The following LHPP variants were observed in gnomAD, a reference collection of about 807,000 sequenced individuals.
The protein encoded by LHPP is hLHPP.
LHPP carries 24 observed loss-of-function variants against 30.3 expected under a neutral mutation model. The observed-to-expected ratio is 0.79, with a 90% CI of 0.57 to 1.11. The LOEUF is 1.11. LHPP is among the 50% of genes most tolerant of loss of function. The pLI is 0.00. For synonymous variants in LHPP, 150 were observed against 157.1 expected (o/e 0.95, Z 0.34); for missense variants, 356 against 367.2 (o/e 0.97, Z 0.25).
intron 5 of LHPP, among the ~76,000 whole-genome samples, chr10:124,507,157 G>GT (rs746557488): frequency 3.5e-5 from 3 of 85,824 alleles, no homozygotes; most frequent in Non-Finnish European, 4.5e-5. Context: ...GATTTCAGGT[G>GT]GGAGGGTAGG....
chr10:124,528,032 G>A (rs1215189064), intron 6 of LHPP, among the ~76,000 whole-genome samples: 1 of 124,044 alleles, frequency 8.1e-6, no homozygotes, highest in Non-Finnish European at 1.7e-5. Context: ...GCCTCCCAAA[G>A]TGCTGGGATT....
rs979285399 is a variant in LHPP, at chr10:124,494,353, C to T, written c.468-2608C>T. Among the ~76,000 whole-genome samples the T allele has an allele frequency of 2.6e-5, 4 of 152,246 alleles. No individual in the cohort carries two copies. In the South Asian group the frequency reaches 6.2e-4, roughly 24 times the overall value. ...GGACAGGGGTCTGGGCCCAGAAGCC[C>T]CCAGAATCCTCAGCTCCAAACAGAG... On this transcript the variant is annotated intron_variant, in intron 3 of 6. Transcript: ENST00000368842.
intron 5 of LHPP, chr10:124,498,361 C>T (rs1236428861): frequency 1.9e-6 from 3 of 1,563,620 alleles, no homozygotes; most frequent in Non-Finnish European, 2.6e-6. Context: ...AGCAGAAATG[C>T]CTGCGGCTTT....
intron 1 of LHPP, among the ~76,000 whole-genome samples, chr10:124,472,219 G>T (rs145762097): frequency 6.6e-6 from 1 of 152,106 alleles, no homozygotes; most frequent in African/African-American, 2.4e-5. Context: ...AGGCTGAGGC[G>T]TGAGAATTGC....
At chr10:124,608,949 C>T (rs947376135) in intron 6 of LHPP, among the ~76,000 whole-genome samples, 1 of 152,204 alleles carries the variant, frequency 6.6e-6, no homozygotes, top group Admixed American at 6.5e-5. Context: ...CCCTGCCCAG[C>T]CCAGAGCAGC....
At chr10:124,497,155 T>G in intron 4 of LHPP, 131 bp downstream of exon 4, 1 of 720,328 alleles carries the variant, frequency 1.4e-6, no homozygotes, top group Non-Finnish European at 2.3e-6. Flanking sequence ...AAAGGCTGCC[T>G]TCCTATTCTG....
intron 1 of LHPP, among the ~76,000 whole-genome samples, chr10:124,462,669 T>G (rs1282163824): frequency 6.6e-6 from 1 of 152,244 alleles, no homozygotes; most frequent in African/African-American, 2.4e-5. Context: ...TTATGTTGTT[T>G]GCCTGTTGAA....
At chr10:124,537,624 C>T (rs1205469011) in intron 6 of LHPP, among the ~76,000 whole-genome samples, 3 of 152,240 alleles carry the variant, frequency 2.0e-5, no homozygotes, top group African/African-American at 4.8e-5. Context: ...GGCAGCCAGG[C>T]AGTCCCCACA....
intron 5 of LHPP, among the ~76,000 whole-genome samples, chr10:124,502,115 G>A (rs1473977455): frequency 2.6e-5 from 4 of 151,880 alleles, no homozygotes; most frequent in Admixed American, 6.6e-5. Flanking sequence ...AAATGTTCAC[G>A]TGTACCGTTC....
intron 6 of LHPP, among the ~76,000 whole-genome samples, chr10:124,519,816 AT>A (rs11421205): frequency 1.3e-5 from 2 of 151,076 alleles, no homozygotes; most frequent in African/African-American, 4.9e-5. Context: ...TATGTACCAC[AT>A]TTTTTTTCTT....
At chr10:124,580,709 CT>C (rs778114381) in intron 6 of LHPP, among the ~76,000 whole-genome samples, 9,739 of 109,572 alleles carry the variant, frequency 0.089, 1,070 homozygotes, top group African/African-American at 0.31. Flanking sequence ...AGAACATTTT[CT>C]TTTTTTTTTT....
At chr10:124,519,527 G>A (rs533697357) in intron 6 of LHPP, among the ~76,000 whole-genome samples, 49 of 152,084 alleles carry the variant, frequency 3.2e-4, no homozygotes. Flanking sequence ...TGAGATTTTG[G>A]TGCACCCATC....
intron 5 of LHPP, among the ~76,000 whole-genome samples, chr10:124,504,506 G>GCACC (rs1954006309): frequency 6.6e-6 from 1 of 151,336 alleles, no homozygotes; most frequent in Non-Finnish European, 1.5e-5. Context: ...GGGCTGAGGT[G>GCACC]GGCAGATTGC....
At chr10:124,563,243 G>A (rs542550990) in intron 6 of LHPP, among the ~76,000 whole-genome samples, 1 of 151,296 alleles carries the variant, frequency 6.6e-6, no homozygotes, top group Non-Finnish European at 1.5e-5. Flanking sequence ...AGTGGGTGAC[G>A]AGAGGAACTA....
At chr10:124,599,799 G>A (rs1214943144) in intron 6 of LHPP, among the ~76,000 whole-genome samples, 3 of 152,224 alleles carry the variant, frequency 2.0e-5, no homozygotes, top group Non-Finnish European at 2.9e-5. Flanking sequence ...CGAGTGTCGT[G>A]CTCTGTGGAC....
chr10:124,500,639 A>T (rs1377696762), intron 5 of LHPP, among the ~76,000 whole-genome samples: 1 of 151,928 alleles, frequency 6.6e-6, no homozygotes, highest in Non-Finnish European at 1.5e-5. Context: ...CAACAGGCAT[A>T]CAAAAAGATA....
chr10:124,513,341 T>C (rs908495472), intron 5 of LHPP, among the ~76,000 whole-genome samples: 3 of 152,006 alleles, frequency 2.0e-5, no homozygotes, highest in African/African-American at 7.3e-5. Context: ...ATTACAGGCA[T>C]GAGTCACTGC....
At chr10:124,608,054 A>AGG in intron 6 of LHPP, among the ~76,000 whole-genome samples, 1 of 152,274 alleles carries the variant, frequency 6.6e-6, no homozygotes, top group African/African-American at 2.4e-5. Context: ...GAGGGGGCAG[A>AGG]GCCTCGGCGT....
At chr10:124,538,994 A>C (rs1338683760) in intron 6 of LHPP, among the ~76,000 whole-genome samples, 1 of 152,192 alleles carries the variant, frequency 6.6e-6, no homozygotes, top group Non-Finnish European at 1.5e-5. Context: ...GTTGAGCCTC[A>C]AGGGATCAGA....
Sources: allele counts gnomAD v4.1 joint callset (sites outside exome capture counted in the v4.1 genomes callset), GRCh38; gene constraint gnomAD v4.1.1; transcripts MANE v1.5; gene names NCBI Gene and HGNC (gene_info 2026-07-23, HGNC 2026-07-21).